AFF2: variants seen among roughly 807,000 people sequenced by gnomAD.
The protein encoded by AFF2 is AF4/FMR2 family member 2.
A neutral mutation model predicts 76.9 loss-of-function variants in AFF2; 14 were observed. The ratio of observed to expected loss-of-function variants is 0.18; its 90% CI spans 0.12 to 0.28. The LOEUF (loss-of-function observed/expected upper bound fraction) is 0.28. Ranked by LOEUF, AFF2 falls within the 10% of genes least tolerant of loss-of-function variation. The pLI is 1.00. For synonymous variants in AFF2, 398 were observed against 366.7 expected, an observed-to-expected ratio of 1.09 and a Z score of -0.98; for missense variants, 868 against 1,001.1, an observed-to-expected ratio of 0.87 and a Z score of 1.79.
In AFF2 at chrX:148,987,793, A is replaced by T. The variant is rs185670754; in HGVS notation, c.3814+236A>T. On this transcript the variant is annotated intron_variant, in intron 20 of 20. Transcript: ENST00000370460. ...AAAGCTTAAACTCATTTGAACTGTG[A>T]TGTGTTTTGAATTTCACTCACTGAC... Among the ~76,000 whole-genome samples the T allele has an allele frequency of 1.4e-3, 156 of 112,055 alleles. 1 individual carries two copies. The highest frequency in any genetic ancestry group is 5.0e-3 in the African/African-American group (153 of 30,818).
At position 148,995,473 on chromosome X, in the gene AFF2, G is replaced by C. The variant is rs1397718972; in HGVS notation, c.*4141G>C. On this transcript the variant is annotated 3_prime_UTR_variant, in exon 21 of 21. Coordinates refer to ENST00000370460, the MANE Select transcript of AFF2 (RefSeq NM_002025.4). Reference sequence around the variant, plus strand: ...AATTGCATTGTGGGGAGGGCAGAAAGGGGGTGGGGGTGGGGGCGGGGGGGT... The same window carrying C: ...AATTGCATTGTGGGGAGGGCAGAAACGGGGTGGGGGTGGGGGCGGGGGGGT... The C allele has an allele frequency of 1.1e-5, 1 of 95,007 alleles. No homozygotes were observed. Among genetic ancestry groups the C allele is most frequent in the Non-Finnish European group, 2.0e-5 (1 of 49,698 alleles). 7.8% of individuals were successfully genotyped at this position (95,007 alleles called of 1,213,427 possible). A position where few individuals can be genotyped will look rare whatever the true frequency, so the allele number is the denominator to read the frequency against.
At chrX:148,870,513 G>T (rs2070960636) in intron 7 of AFF2, among the ~76,000 whole-genome samples, 1 of 111,984 alleles carries the variant, frequency 8.9e-6, no homozygotes, top group Non-Finnish European at 1.9e-5. Context: ...TGTTTCTGTG[G>T]TGGGACACTG....
intron 1 of AFF2, among the ~76,000 whole-genome samples, chrX:148,634,062 T>G (rs781931874): frequency 1.8e-5 from 2 of 111,827 alleles, no homozygotes; most frequent in South Asian, 7.5e-4. Context: ...GTACCTGATC[T>G]TCCCTAAAAT....
intron 7 of AFF2, among the ~76,000 whole-genome samples, chrX:148,867,360 G>A (rs1373243131): frequency 3.6e-5 from 4 of 112,156 alleles, no homozygotes. Context: ...AATAGCTAGA[G>A]CATCTGTGCA....
chrX:148,957,762 C>T (rs1557287535), intron 11 of AFF2, among the ~76,000 whole-genome samples: 1 of 112,521 alleles, frequency 8.9e-6, no homozygotes, highest in African/African-American at 3.2e-5. Context: ...ACCAAGAAGT[C>T]AAAGACCTTT....
In AFF2 at chrX:148,504,205, G is replaced by T. The variant is rs191392261; in HGVS notation, c.47+3061G>T. Among the ~76,000 whole-genome samples, 16 of 110,961 alleles carry T rather than the reference G, an allele frequency of 1.4e-4. No individual in the cohort carries two copies. The South Asian group carries it at 1.6e-3, about 11-fold the overall frequency. On this transcript the variant is annotated intron_variant, in intron 1 of 20. Transcript: ENST00000370460. ...ACAAAATGTACAGCCTTTCAGTTCT[G>T]TAAGCACCTCCCACCCAGTATTGAT... is the stretch of plus-strand genomic sequence containing the variant.
chrX:148,936,614 A>G (rs1283241656), intron 9 of AFF2, among the ~76,000 whole-genome samples: 1 of 112,538 alleles, frequency 8.9e-6, no homozygotes, highest in Non-Finnish European at 1.9e-5. Context: ...GCTTTTATTT[A>G]TCATTCCCTA....
chrX:148,935,065 T>TC (rs1209808633), intron 9 of AFF2, among the ~76,000 whole-genome samples: 1 of 109,555 alleles, frequency 9.1e-6, no homozygotes, highest in East Asian at 2.8e-4. Flanking sequence ...TAATTTTTTT[T>TC]TTCTAGCCAT....
chrX:148,866,671 C>T (rs1255962616), intron 7 of AFF2, among the ~76,000 whole-genome samples: 1 of 112,670 alleles, frequency 8.9e-6, no homozygotes, highest in African/African-American at 3.2e-5. Flanking sequence ...TTCTAATATA[C>T]ATTAAGCAGA....
At chrX:148,855,874 G>A (rs1409600140) in intron 7 of AFF2, among the ~76,000 whole-genome samples, 1 of 112,208 alleles carries the variant, frequency 8.9e-6, no homozygotes, top group East Asian at 2.8e-4. Context: ...GCTTATCACA[G>A]TGCCTGGTAC....
At chrX:148,726,735 TG>T (rs1176454881) in intron 3 of AFF2, among the ~76,000 whole-genome samples, 1 of 111,975 alleles carries the variant, frequency 8.9e-6, no homozygotes, top group Admixed American at 9.5e-5. Flanking sequence ...AGTTTTTGTA[TG>T]AACCATTTTG....
Position 148,899,612 on chromosome X carries a change from A to C in AFF2, c.1360-4609A>C, listed in dbSNP as rs782744708. On this transcript the variant is annotated intron_variant, in intron 8 of 20. Coordinates refer to ENST00000370460, the MANE Select transcript of AFF2 (RefSeq NM_002025.4). The stretch of plus-strand genomic sequence containing the variant: ...CTGAATGATTGGATTTTCCCTTTTG[A>C]TTAAGAAATGTAAAAACCCAGTTTG... Among the ~76,000 whole-genome samples, 18 of 112,197 alleles carry C rather than the reference A, an allele frequency of 1.6e-4. 1 individual carries two copies. The South Asian group carries it at 6.7e-3, about 42-fold the overall frequency.
chrX:148,707,144 CTG>C (rs1343262310), intron 3 of AFF2, among the ~76,000 whole-genome samples: 1 of 111,961 alleles, frequency 8.9e-6, no homozygotes, highest in Non-Finnish European at 1.9e-5. Flanking sequence ...AGAATCTAGA[CTG>C]TTAGAAGACT....
At chrX:148,704,005 T>C (rs1186335431) in intron 3 of AFF2, among the ~76,000 whole-genome samples, 3 of 106,877 alleles carry the variant, frequency 2.8e-5, no homozygotes, top group Non-Finnish European at 5.7e-5. Flanking sequence ...AAATGATCCT[T>C]GCACCTCAGC....
At chrX:148,672,058 C>G (rs1389821818) in intron 3 of AFF2, among the ~76,000 whole-genome samples, 1 of 111,929 alleles carries the variant, frequency 8.9e-6, no homozygotes, top group Non-Finnish European at 1.9e-5. Flanking sequence ...TTCTCTCGTT[C>G]TGCATGAAAG....
At chrX:148,899,989 T>G (rs1463779424) in intron 8 of AFF2, among the ~76,000 whole-genome samples, 1 of 110,759 alleles carries the variant, frequency 9.0e-6, no homozygotes, top group Non-Finnish European at 1.9e-5. Context: ...CTCTACATTT[T>G]CTATAAATAT....
At chrX:148,809,527 A>G (rs1468600361) in intron 3 of AFF2, among the ~76,000 whole-genome samples, 3 of 112,032 alleles carry the variant, frequency 2.7e-5, no homozygotes, top group Non-Finnish European at 3.8e-5. Context: ...TTTTTAATGA[A>G]TAATATACAA....
intron 8 of AFF2, among the ~76,000 whole-genome samples, chrX:148,891,133 A>G (rs1455100862): frequency 3.6e-5 from 4 of 111,616 alleles, no homozygotes; most frequent in Non-Finnish European, 5.6e-5. Flanking sequence ...TTTTCAAGCC[A>G]GTCCTCCAGG....
intron 13 of AFF2, among the ~76,000 whole-genome samples, chrX:148,964,631 C>T (rs942373664): frequency 1.3e-4 from 14 of 111,403 alleles, no homozygotes; most frequent in African/African-American, 4.6e-4. Context: ...TTGCAAGCGC[C>T]TAAGGCAAAG....
Sources: allele counts gnomAD v4.1 joint callset (sites outside exome capture counted in the v4.1 genomes callset), GRCh38; gene constraint gnomAD v4.1.1; transcripts MANE v1.5; gene names NCBI Gene and HGNC (gene_info 2026-07-23, HGNC 2026-07-21).